The following VEPH1 variants were observed in gnomAD, a reference collection of about 807,000 sequenced individuals.
VEPH1 encodes ventricular zone expressed PH domain containing 1.
A neutral mutation model predicts 85.2 loss-of-function variants in VEPH1; 80 were observed. The ratio of observed to expected loss-of-function variants is 0.94; its 90% CI spans 0.78 to 1.13. VEPH1 has a LOEUF of 1.13. Among genes scored for constraint, VEPH1 ranks in the 50% most tolerant of loss-of-function variants. The probability of loss-of-function intolerance (pLI) is 0.00; values close to 1 mark genes in which losing one functional copy is unlikely to be tolerated. For missense variants in VEPH1, 955 were observed against 980.5 expected (o/e 0.97, Z 0.35); for synonymous variants, 297 against 348.0 (o/e 0.85, Z 1.63).
chr3:157,374,144 G>A (rs553584274), intron 7 of VEPH1, among the ~76,000 whole-genome samples: 4 of 152,264 alleles, frequency 2.6e-5, no homozygotes, highest in Admixed American at 6.5e-5. Context: ...GTAAGAAGAC[G>A]GGCCCAAAAC....
At chr3:157,411,457 G>A (rs1029212706) in intron 6 of VEPH1, among the ~76,000 whole-genome samples, 3 of 152,124 alleles carry the variant, frequency 2.0e-5, no homozygotes, top group Non-Finnish European at 4.4e-5. Flanking sequence ...AAGAGAGAAA[G>A]CACCTTAAAT....
intron 12 of VEPH1, among the ~76,000 whole-genome samples, chr3:157,273,297 T>G (rs1714956276): frequency 6.6e-6 from 1 of 152,184 alleles, no homozygotes. Context: ...AACACAAATA[T>G]GACAGTCTCA....
chr3:157,371,232 C>G (rs963320650), intron 7 of VEPH1, among the ~76,000 whole-genome samples: 4 of 152,150 alleles, frequency 2.6e-5, no homozygotes, highest in Non-Finnish European at 5.9e-5. Context: ...CATGAGCATA[C>G]AAGAACTGGG....
intron 3 of VEPH1, 48 bp from the exon 4 acceptor site, chr3:157,460,403 T>C (rs534000335): frequency 6.3e-7 from 1 of 1,576,158 alleles, no homozygotes; most frequent in East Asian, 2.3e-5. Context: ...TCATTATTCA[T>C]TTATTCATTC....
intron 2 of VEPH1, among the ~76,000 whole-genome samples, chr3:157,477,529 C>A (rs371690460): frequency 1.4e-4 from 22 of 152,082 alleles, no homozygotes; most frequent in African/African-American, 5.3e-4. Flanking sequence ...TGATGCATAC[C>A]AATTGCAGCC....
At chr3:157,494,897 C>T (rs1171345982) in intron 2 of VEPH1, among the ~76,000 whole-genome samples, 1 of 152,142 alleles carries the variant, frequency 6.6e-6, no homozygotes. Flanking sequence ...GGCTCCCTCT[C>T]CTCTCAGTGT....
intron 12 of VEPH1, among the ~76,000 whole-genome samples, chr3:157,273,562 CAAAGGACCAAAGCTGAGGAAG>C (rs529632029): frequency 6.6e-5 from 10 of 152,172 alleles, no homozygotes; most frequent in Admixed American, 1.3e-4. Flanking sequence ...AAGTTCATAG[CAAAGGACCAAAGCTGAGGAAG>C]GGAGGCATAA....
chr3:157,287,967 T>G (rs984602939), intron 11 of VEPH1, among the ~76,000 whole-genome samples: 3 of 152,236 alleles, frequency 2.0e-5, no homozygotes, highest in African/African-American at 7.2e-5. Flanking sequence ...CCAAGAAGAC[T>G]GCACATGTTT....
In VEPH1 at chr3:157,380,752, C is replaced by A. The variant is rs1458482874; in HGVS notation, c.1127+404G>T. ...CCATTATGCACTTAAATATTTATCT[C>A]ATACTAGTCAGTGAGCTTCTTGAAT... On this transcript the variant is annotated intron_variant, in intron 7 of 13. Coordinates refer to ENST00000362010, the MANE Select transcript of VEPH1 (RefSeq NM_001167912.2). 2.6e-5 allele frequency among the ~76,000 whole-genome samples: 4 copies of A among 152,222 alleles called. No homozygotes were observed. The South Asian group carries it at 6.2e-4, about 24-fold the overall frequency.
intron 3 of VEPH1, among the ~76,000 whole-genome samples, chr3:157,462,414 C>G (rs543703890): frequency 6.6e-6 from 1 of 152,186 alleles, no homozygotes; most frequent in South Asian, 2.1e-4. Context: ...TTATAAACAA[C>G]CTTTGTCTTA....
intron 4 of VEPH1, among the ~76,000 whole-genome samples, chr3:157,433,729 T>G (rs960448273): frequency 1.3e-5 from 2 of 152,214 alleles, no homozygotes; most frequent in African/African-American, 4.8e-5. Flanking sequence ...TCATACTTAG[T>G]AGACATGTAA....
At chr3:157,502,394 A>G (rs1740189157) in intron 1 of VEPH1, among the ~76,000 whole-genome samples, 1 of 152,228 alleles carries the variant, frequency 6.6e-6, no homozygotes, top group Non-Finnish European at 1.5e-5. Flanking sequence ...TTCTAAAATC[A>G]AGGCTTTTGT....
chr3:157,460,012 C>A, intron 4 of VEPH1, 169 bp downstream of exon 4: 2 of 1,548,650 alleles, frequency 1.3e-6, no homozygotes, highest in South Asian at 2.3e-5. Context: ...ACACAGACAG[C>A]CAGATTAAGT....
intron 9 of VEPH1, among the ~76,000 whole-genome samples, chr3:157,325,274 T>C (rs1320402430): frequency 6.6e-6 from 1 of 152,214 alleles, no homozygotes; most frequent in Admixed American, 6.5e-5. Context: ...AAAAATTTTC[T>C]CCCATTCTGT....
intron 6 of VEPH1, among the ~76,000 whole-genome samples, chr3:157,395,386 G>A (rs555749173): frequency 6.6e-6 from 1 of 152,316 alleles, no homozygotes; most frequent in East Asian, 1.9e-4. Flanking sequence ...TCTGCTGCTG[G>A]CAGACAGGGC....
In VEPH1 at chr3:157,413,900, G is replaced by C. The variant is rs769055532; in HGVS notation, c.887C>G (p.Ala296Gly). The change falls in exon 6 of 14, where the codon GCT becomes GGT. Residue 296 changes from alanine (A) to glycine (G), a missense_variant. Transcript: ENST00000362010. ...ACTTACTTCATCCACATGCCCAACA[G>C]CTCCATAAATCCTTGCCATCTGTCC... ...LTGQMARIYG[A>G]VGHVDEERAR... 6.2e-7 allele frequency: 1 copy of C among 1,613,442 alleles called. No homozygotes were observed. Among genetic ancestry groups the C allele is most frequent in the Admixed American group, 1.7e-5 (1 of 59,958 alleles).
chr3:157,502,060 A>T (rs574253707), intron 1 of VEPH1, among the ~76,000 whole-genome samples: 7 of 152,234 alleles, frequency 4.6e-5, no homozygotes, highest in Non-Finnish European at 1.0e-4. Context: ...TTCCCACAAG[A>T]TGTCTATTGT....
chr3:157,447,830 A>C (rs921892091), intron 4 of VEPH1, among the ~76,000 whole-genome samples: 7 of 152,088 alleles, frequency 4.6e-5, no homozygotes, highest in African/African-American at 1.7e-4. Context: ...CCTGACAACA[A>C]GTGATCTGCC....
intron 6 of VEPH1, among the ~76,000 whole-genome samples, chr3:157,383,689 T>C (rs1427517321): frequency 6.6e-6 from 1 of 152,150 alleles, no homozygotes; most frequent in Non-Finnish European, 1.5e-5. Flanking sequence ...CCTGTATGGG[T>C]ATGTGAGACA....
Sources: gnomAD v4.1 joint callset for allele counts (sites outside exome capture counted in the v4.1 genomes callset) on GRCh38, gnomAD v4.1.1 for gene constraint, MANE v1.5 for transcripts, NCBI Gene and HGNC (gene_info 2026-07-23, HGNC 2026-07-21) for gene names.